The following THSD7A variants were observed in gnomAD, a reference collection of about 807,000 sequenced individuals.
The protein encoded by THSD7A is thrombospondin type-1 domain-containing protein 7A.
A neutral mutation model predicts 231.3 loss-of-function variants in THSD7A; 96 were observed. The ratio of observed to expected loss-of-function variants is 0.41; its 90% CI spans 0.35 to 0.49. The LOEUF (loss-of-function observed/expected upper bound fraction) is 0.49. THSD7A is among the 20% of genes least tolerant of loss of function. The pLI is 0.05. For missense variants in THSD7A, 2,290 were observed against 2,070.2 expected (o/e 1.11, Z -2.06); for synonymous variants, 940 against 743.3 (o/e 1.26, Z -4.30).
At chr7:11,564,381 G>A (rs1790214074) in intron 4 of THSD7A, among the ~76,000 whole-genome samples, 1 of 152,296 alleles carries the variant, frequency 6.6e-6, no homozygotes, top group African/African-American at 2.4e-5. Flanking sequence ...CCTTGCAGCT[G>A]GTCTGCTGCC....
intron 1 of THSD7A, among the ~76,000 whole-genome samples, chr7:11,795,131 G>A (rs1471306969): frequency 2.0e-5 from 3 of 151,594 alleles, no homozygotes; most frequent in Non-Finnish European, 4.4e-5. Flanking sequence ...GTCTTTAACC[G>A]AGTTTTATAA....
chr7:11,713,985 T>A (rs1462299358), intron 1 of THSD7A, among the ~76,000 whole-genome samples: 1 of 151,152 alleles, frequency 6.6e-6, no homozygotes, highest in African/African-American at 2.4e-5. Context: ...GGAAAAAACA[T>A]CAGAGTGCGT....
chr7:11,416,319 G>A (rs1783958245), intron 17 of THSD7A, among the ~76,000 whole-genome samples: 1 of 152,088 alleles, frequency 6.6e-6, no homozygotes, highest in Non-Finnish European at 1.5e-5. Flanking sequence ...AGGGGCCTGG[G>A]TTCAATATTT....
At chr7:11,793,911 A>C (rs1202878471) in intron 1 of THSD7A, among the ~76,000 whole-genome samples, 2 of 151,952 alleles carry the variant, frequency 1.3e-5, no homozygotes, top group Admixed American at 6.6e-5. Flanking sequence ...AACAATATAC[A>C]TATGTATTTT....
chr7:11,657,608 C>A (rs545773632), intron 1 of THSD7A, among the ~76,000 whole-genome samples: 39 of 151,810 alleles, frequency 2.6e-4, no homozygotes, highest in Middle Eastern at 3.4e-3. Flanking sequence ...ATTATCTGTC[C>A]CAAATGTTTT....
At chr7:11,817,040 G>A (rs1442940307) in intron 1 of THSD7A, among the ~76,000 whole-genome samples, 1 of 152,148 alleles carries the variant, frequency 6.6e-6, no homozygotes, top group Non-Finnish European at 1.5e-5. Context: ...GGGTTGTAAT[G>A]GACATGAAAT....
chr7:11,706,629 G>GTTTTTTTTTTTTTTTTT (rs1780775506), intron 1 of THSD7A, among the ~76,000 whole-genome samples: 2 of 54,392 alleles, frequency 3.7e-5, no homozygotes, highest in African/African-American at 7.2e-5. Context: ...TTAACAAGGT[G>GTTTTTTTTTTTTTTTTT]CTTTTTTTTT....
intron 1 of THSD7A, among the ~76,000 whole-genome samples, chr7:11,642,891 T>C (rs1782138893): frequency 6.6e-6 from 1 of 152,166 alleles, no homozygotes; most frequent in South Asian, 2.1e-4. Flanking sequence ...AAGACAGCCG[T>C]CTAAATTTAA....
intron 6 of THSD7A, among the ~76,000 whole-genome samples, chr7:11,512,291 G>A (rs1787843782): frequency 6.6e-6 from 1 of 152,186 alleles, no homozygotes; most frequent in Non-Finnish European, 1.5e-5. Flanking sequence ...AGCAACAGGT[G>A]CTGGAGAGGA....
intron 6 of THSD7A, among the ~76,000 whole-genome samples, chr7:11,499,765 A>G (rs1787255701): frequency 6.6e-6 from 1 of 152,230 alleles, no homozygotes; most frequent in Non-Finnish European, 1.5e-5. Context: ...AGACAAAAAT[A>G]AAGAACAACT....
chr7:11,741,681 TA>T (rs1471181527), intron 1 of THSD7A, among the ~76,000 whole-genome samples: 2 of 151,890 alleles, frequency 1.3e-5, no homozygotes, highest in East Asian at 3.9e-4. Context: ...ATTATAAGGT[TA>T]AAACTTTAGG....
intron 1 of THSD7A, among the ~76,000 whole-genome samples, chr7:11,688,215 G>A (rs770200846): frequency 3.3e-5 from 5 of 151,596 alleles, no homozygotes; most frequent in East Asian, 2.0e-4. Context: ...CTTCAACCAC[G>A]TCCCTACAAA....
At chr7:11,460,342 C>A (rs145871868) in intron 11 of THSD7A, among the ~76,000 whole-genome samples, 2 of 151,268 alleles carry the variant, frequency 1.3e-5, no homozygotes, top group Admixed American at 1.3e-4. Context: ...CTGTGGATAC[C>A]GTAATCTAAA....
chr7:11,469,420 A>C (rs1283451486), intron 9 of THSD7A, among the ~76,000 whole-genome samples: 1 of 152,152 alleles, frequency 6.6e-6, no homozygotes, highest in Non-Finnish European at 1.5e-5. Context: ...CTGGCAGAGA[A>C]ACAATTTGGC....
chr7:11,789,923 AT>A (rs1562557739), intron 1 of THSD7A, among the ~76,000 whole-genome samples: 1 of 151,928 alleles, frequency 6.6e-6, no homozygotes, highest in Admixed American at 6.6e-5. Flanking sequence ...CGTGTCTCCA[AT>A]TTTGTGTTCT....
At position 11,734,992 on chromosome 7, in the gene THSD7A, A is replaced by G. The variant is rs534552465; in HGVS notation, c.190+96765T>C. On this transcript the variant is annotated intron_variant, in intron 1 of 27. Transcript: ENST00000423059. ...ACTTATGGGACTTGCCCACCTATAT[A>G]AGTTGTAACATTTTTCTGTAAGAAC... Among the ~76,000 whole-genome samples the G allele has an allele frequency of 3.3e-5, 5 of 152,026 alleles. No individual in the cohort carries two copies. The South Asian group carries it at 6.2e-4, about 19-fold the overall frequency.
chr7:11,513,144 T>C (rs1423023576), intron 6 of THSD7A, among the ~76,000 whole-genome samples: 1 of 150,752 alleles, frequency 6.6e-6, no homozygotes, highest in Non-Finnish European at 1.5e-5. Context: ...ACAATGGACT[T>C]TGGGGACTTG....
intron 1 of THSD7A, among the ~76,000 whole-genome samples, chr7:11,704,535 G>A (rs965579246): frequency 5.9e-4 from 89 of 150,862 alleles, no homozygotes; most frequent in Middle Eastern, 3.4e-3. Context: ...GAGACTCTTT[G>A]GAGTCTGTGT....
chr7:11,488,819 C>T (rs1194017068), intron 6 of THSD7A, among the ~76,000 whole-genome samples: 1 of 152,096 alleles, frequency 6.6e-6, no homozygotes, highest in East Asian at 1.9e-4. Flanking sequence ...ACATTCTATC[C>T]ACAGAAAGCT....
Sources: allele counts gnomAD v4.1 joint callset (sites outside exome capture counted in the v4.1 genomes callset), GRCh38; gene constraint gnomAD v4.1.1; transcripts MANE v1.5; gene names NCBI Gene and HGNC (gene_info 2026-07-23, HGNC 2026-07-21).